The following SMC6 variants were observed in gnomAD, a reference collection of about 807,000 sequenced individuals.
SMC6 encodes the protein structural maintenance of chromosomes protein 6.
Under a neutral mutation model 142.2 loss-of-function variants are expected in SMC6, and 79 were observed. The observed-to-expected ratio is 0.56, with a 90% confidence interval of 0.46 to 0.67. The LOEUF (loss-of-function observed/expected upper bound fraction) is 0.67. Among genes scored for constraint, SMC6 ranks in the 30% least tolerant of loss-of-function variants. The pLI is 0.00. For missense variants in SMC6, 1,072 were observed against 1,284.0 expected (o/e 0.83, Z 2.52); for synonymous variants, 411 against 412.4 (o/e 1.00, Z 0.04).
At chr2:17,669,846 C>T (rs1377678940) in intron 26 of SMC6, among the ~76,000 whole-genome samples, 5 of 152,176 alleles carry the variant, frequency 3.3e-5, no homozygotes, top group African/African-American at 1.2e-4. Flanking sequence ...GAGCCTCACT[C>T]TAACCATGAG....
rs1303659916 is a variant in SMC6, at chr2:17,665,363, AT to A, written c.*135del. ...TTTTCCAGGCTTATTTATATGTTTG[AT>A]TGTGGTTGGATATATAAAGGAGTTT... On this transcript the variant is annotated 3_prime_UTR_variant, in exon 28 of 28. Transcript: ENST00000448223. 2.4e-6 allele frequency: 1 copy of A among 420,122 alleles called. No homozygotes were observed. Among genetic ancestry groups the A allele is most frequent in the African/African-American group, 2.0e-5 (1 of 48,916 alleles). 26.0% of individuals were successfully genotyped at this position (420,122 alleles called of 1,614,324 possible).
intron 24 of SMC6, among the ~76,000 whole-genome samples, chr2:17,682,850 G>T (rs1667293217): frequency 6.6e-6 from 1 of 150,694 alleles, no homozygotes; most frequent in South Asian, 2.1e-4. Flanking sequence ...AAACTAACCT[G>T]TAGTTTCACT....
chr2:17,748,930 G>T (rs564194614), intron 2 of SMC6, among the ~76,000 whole-genome samples: 1 of 152,322 alleles, frequency 6.6e-6, no homozygotes, highest in African/African-American at 2.4e-5. Context: ...AACACTACGT[G>T]ATGACGATGT....
At chr2:17,666,820 CAAA>C (rs11295692) in intron 26 of SMC6, among the ~76,000 whole-genome samples, 7 of 144,492 alleles carry the variant, frequency 4.8e-5, no homozygotes, top group Admixed American at 1.4e-4. Context: ...CTGTCTCTAC[CAAA>C]AAAAAAAAAA....
In SMC6 at chr2:17,714,864, T is replaced by G; in HGVS notation, c.1727A>C (p.His576Pro). ...EFRNEIYDVR[H>P]RAAYHPDFPT... ...TATTCAATTACTAATGCCTTACCTG[T>G]GTCTTACATCATATATCTCATTCCG... Residue 576 changes from histidine (H) to proline (P), a missense_variant, in exon 16 of 28, where the codon CAC becomes CCC. Physicochemically the swap from His to Pro is moderately conservative, Grantham distance 77. This residue lies in a region of SMC6 where 994 missense variants were observed against 1,153.2 expected (regional missense o/e 0.86). Transcript: ENST00000448223. 1 of 1,611,528 alleles carries G rather than the reference T, an allele frequency of 6.2e-7. No individual in the cohort carries two copies. The highest frequency in any genetic ancestry group is 8.5e-7 in the Non-Finnish European group (1 of 1,179,420).
chr2:17,670,891 C>T (rs1572242285), intron 25 of SMC6, among the ~76,000 whole-genome samples: 2 of 152,124 alleles, frequency 1.3e-5, no homozygotes, highest in African/African-American at 2.4e-5. Flanking sequence ...AACAGGGTCT[C>T]GCTCTGTTGA....
At chr2:17,694,906 T>C (rs924383451) in intron 23 of SMC6, among the ~76,000 whole-genome samples, 2 of 152,228 alleles carry the variant, frequency 1.3e-5, no homozygotes, top group African/African-American at 4.8e-5. Context: ...CATGTCTATA[T>C]GAACCTTATA....
chr2:17,671,365 T>C (rs1484907347), intron 25 of SMC6, among the ~76,000 whole-genome samples: 1 of 37,492 alleles, frequency 2.7e-5, no homozygotes, highest in Non-Finnish European at 4.8e-5. Context: ...AGGATTGCTT[T>C]AGGAATCCTT....
At chr2:17,673,562 A>T (rs2555078) in intron 25 of SMC6, among the ~76,000 whole-genome samples, 73,427 of 149,104 alleles carry the variant, frequency 0.49, 20,047 homozygotes, top group African/African-American at 0.72. Context: ...TTAAAAAAAA[A>T]TTTTTTTTTT....
intron 9 of SMC6, among the ~76,000 whole-genome samples, chr2:17,724,989 G>A (rs576559463): frequency 6.6e-6 from 1 of 152,210 alleles, no homozygotes; most frequent in East Asian, 1.9e-4. Flanking sequence ...ACTATCAGAG[G>A]ATAAGTATGT....
chr2:17,695,028 C>A, intron 23 of SMC6, 124 bp downstream of exon 23: 1 of 1,030,860 alleles, frequency 9.7e-7, no homozygotes, highest in South Asian at 1.4e-5. Context: ...AGGACTACTT[C>A]AGCTATAACT....
chr2:17,701,593 C>T (rs1463205887), intron 20 of SMC6, among the ~76,000 whole-genome samples: 1 of 151,858 alleles, frequency 6.6e-6, no homozygotes, highest in African/African-American at 2.4e-5. Context: ...AAGTTTTTTT[C>T]CATGTGATAG....
intron 23 of SMC6, among the ~76,000 whole-genome samples, chr2:17,693,945 A>G (rs1468378952): frequency 6.8e-6 from 1 of 146,978 alleles, no homozygotes; most frequent in Non-Finnish European, 1.5e-5. Context: ...GGCTGCAGTG[A>G]GCCGAGATCA....
At position 17,745,818 on chromosome 2, in the gene SMC6, T is replaced by G. The variant is rs777948470; in HGVS notation, c.120+9A>C. 11 of 1,593,810 alleles carry G rather than the reference T, an allele frequency of 6.9e-6. No homozygotes were observed. In the South Asian group the frequency reaches 1.3e-4, roughly 18 times the overall value. On this transcript the variant is annotated intron_variant, in intron 3 of 27. Transcript: ENST00000448223. Reference sequence around the variant, plus strand: ...ATCAAAAAGCATAATTTTGTAATTTTTCGCTTACCAAAGTAGTACCTTTAC... The same window carrying G: ...ATCAAAAAGCATAATTTTGTAATTTGTCGCTTACCAAAGTAGTACCTTTAC...
chr2:17,668,486 G>A (rs1429223422), intron 26 of SMC6, among the ~76,000 whole-genome samples: 1 of 151,254 alleles, frequency 6.6e-6, no homozygotes, highest in African/African-American at 2.4e-5. Context: ...ATCTGGTAGG[G>A]GATTCAGATA....
chr2:17,748,207 A>G (rs908575214), intron 2 of SMC6, among the ~76,000 whole-genome samples: 16 of 152,232 alleles, frequency 1.1e-4, no homozygotes, highest in African/African-American at 3.6e-4. Flanking sequence ...TCTCCTGGGA[A>G]GATATCCACC....
chr2:17,741,760 T>C, intron 3 of SMC6, 31 bp from the exon 4 acceptor site: 1 of 1,398,166 alleles, frequency 7.2e-7, no homozygotes, highest in Non-Finnish European at 1.0e-6. Context: ...GAGAAAATGG[T>C]CAATCTAATT....
intron 16 of SMC6, among the ~76,000 whole-genome samples, chr2:17,711,500 A>AT (rs1005063871): frequency 1.3e-5 from 2 of 152,062 alleles, no homozygotes; most frequent in African/African-American, 2.4e-5. Flanking sequence ...GGACAAAATG[A>AT]TTTTTTTTCA....
chr2:17,714,659 T>C (rs1668992356), intron 16 of SMC6, among the ~76,000 whole-genome samples: 1 of 152,176 alleles, frequency 6.6e-6, no homozygotes, highest in East Asian at 1.9e-4. Flanking sequence ...GTCTCCCACA[T>C]ATAAGAACTT....
Sources: allele counts gnomAD v4.1 joint callset (sites outside exome capture counted in the v4.1 genomes callset), GRCh38; gene constraint gnomAD v4.1.1; regional missense constraint gnomAD v4.1.1; transcripts MANE v1.5; gene names NCBI Gene and HGNC (gene_info 2026-07-23, HGNC 2026-07-21).